Variants in GALNS observed in about 807,000 individuals in gnomAD.
GALNS encodes galactosamine (N-acetyl)-6-sulfatase.
GALNS carries 65 observed loss-of-function variants against 65.9 expected under a neutral mutation model. That is an observed-to-expected ratio of 0.99 (90% CI 0.81 to 1.21). The LOEUF is 1.21. Ranked by LOEUF, GALNS falls within the 50% of genes most tolerant of loss-of-function variation. GALNS has a pLI of 0.00. For synonymous variants in GALNS, 346 were observed against 288.9 expected (o/e 1.20, Z -2.00); for missense variants, 776 against 700.7 (o/e 1.11, Z -1.21).
rs530013092 is a variant in GALNS, at chr16:88,846,443, C to G, written c.121-3614G>C. On this transcript the variant is annotated intron_variant, in intron 1 of 13. Transcript: ENST00000268695. ...GGTCCCTTGCAGGTTTCCGAGGGAG[C>G]GAGGTCCTGCCCACACCTTGAGCTC... Among the ~76,000 whole-genome samples the G allele has an allele frequency of 2.0e-5, 3 of 149,570 alleles. No individual in the cohort carries two copies. The East Asian group carries it at 6.0e-4, about 30-fold the overall frequency.
intron 1 of GALNS, among the ~76,000 whole-genome samples, chr16:88,847,333 G>A (rs924540368): frequency 2.6e-5 from 4 of 152,062 alleles, no homozygotes; most frequent in Non-Finnish European, 2.9e-5. Context: ...ATCGCGCCAC[G>A]GCAGTCCAGC....
At chr16:88,835,628 A>G in intron 7 of GALNS, 97 bp downstream of exon 7, 1 of 1,575,634 alleles carries the variant, frequency 6.3e-7, no homozygotes. Flanking sequence ...CCTTTCCATA[A>G]TTGGCCTAAA....
At position 88,834,935 on chromosome 16, in the gene GALNS, G is replaced by A. The variant is rs919213135; in HGVS notation, c.898+278C>T. Among the ~76,000 whole-genome samples, 22 of 152,180 alleles carry A rather than the reference G, an allele frequency of 1.4e-4. 1 individual carries two copies. The highest frequency in any genetic ancestry group is 1.4e-3 in the Admixed American group (22 of 15,278). The stretch of plus-strand genomic sequence containing the variant: ...CGGCCTCCAAAGCCTCCGGCCTCCG[G>A]GGTCACCCTTCGGGAGGCGTCAGCC... On this transcript the variant is annotated intron_variant, in intron 8 of 13. Transcript: ENST00000268695.
In GALNS at chr16:88,843,207, C is replaced by T. The variant is rs896515977; in HGVS notation, c.121-378G>A. ...GCCTCTAAACACGTGCATCTATTTT[C>T]AACATAAATACACAGGCCCTCGTAT... On this transcript the variant is annotated intron_variant, in intron 1 of 13. Transcript: ENST00000268695. 7.5e-6 allele frequency: 10 copies of T among 1,327,024 alleles called. No individual in the cohort carries two copies. In the African/African-American group the frequency reaches 1.5e-4, roughly 20 times the overall value. 82.2% of individuals were successfully genotyped at this position (1,327,024 alleles called of 1,614,324 possible).
At chr16:88,846,601 G>C (rs1333890192) in intron 1 of GALNS, among the ~76,000 whole-genome samples, 1 of 143,464 alleles carries the variant, frequency 7.0e-6, no homozygotes, top group African/African-American at 2.6e-5. Context: ...ACCTTTGCCT[G>C]CACGATCTCG....
chr16:88,856,030 G>C (rs1054908616), intron 1 of GALNS: 6 of 618,150 alleles, frequency 9.7e-6, no homozygotes, highest in Non-Finnish European at 1.7e-5. Flanking sequence ...ACCCAGGTGT[G>C]TCTGGGGTCC....
chr16:88,853,624 T>C (rs1455966102), intron 1 of GALNS, among the ~76,000 whole-genome samples: 4 of 152,190 alleles, frequency 2.6e-5, no homozygotes, highest in Non-Finnish European at 5.9e-5. Flanking sequence ...AGGCAGGAGC[T>C]GTGTGTGGGC....
intron 1 of GALNS, among the ~76,000 whole-genome samples, chr16:88,849,977 G>T (rs1258035963): frequency 2.0e-5 from 3 of 152,224 alleles, no homozygotes; most frequent in African/African-American, 4.8e-5. Context: ...GCAGAAACCT[G>T]CAGTGCAGGC....
At chr16:88,848,283 T>C (rs1276864290) in intron 1 of GALNS, among the ~76,000 whole-genome samples, 4 of 152,028 alleles carry the variant, frequency 2.6e-5, no homozygotes, top group Non-Finnish European at 5.9e-5. Flanking sequence ...GAGAACACAC[T>C]AAAAATGACC....
intron 2 of GALNS, chr16:88,842,345 A>G (rs1967014783): frequency 9.8e-6 from 5 of 507,794 alleles, no homozygotes; most frequent in African/African-American, 1.9e-5. Context: ...TGTCTCCAGC[A>G]GGAGAGACTC....
At position 88,851,455 on chromosome 16, in the gene GALNS, G is replaced by A. The variant is rs114421953; in HGVS notation, c.120+5303C>T. On this transcript the variant is annotated intron_variant, in intron 1 of 13. Transcript: ENST00000268695. ...TCCCAGCGTGATTGACGCAGAAGAC[G>A]GCGATTTCTGCATTTCCAACTGAGG... Among the ~76,000 whole-genome samples, 995 of 152,262 alleles carry A rather than the reference G, an allele frequency of 6.5e-3. 12 individuals carry two copies. The highest frequency in any genetic ancestry group is 0.023 in the African/African-American group (963 of 41,544).
chr16:88,856,045 C>T (rs1369576939), intron 1 of GALNS: 7 of 639,112 alleles, frequency 1.1e-5, no homozygotes, highest in African/African-American at 9.0e-5. Flanking sequence ...GGGTCCTGCA[C>T]GGTGACCCAT....
intron 1 of GALNS, chr16:88,843,799 C>T (rs117284066): frequency 0.057 from 8,903 of 155,866 alleles, 359 homozygotes; most frequent in Middle Eastern, 0.12. Context: ...AGGAAACTCA[C>T]GCACGTACCG....
intron 3 of GALNS, 112 bp downstream of exon 3, chr16:88,841,785 G>A (rs1018726816): frequency 2.7e-5 from 25 of 932,082 alleles, no homozygotes; most frequent in African/African-American, 1.5e-4. Context: ...AGGCACCAGC[G>A]GTACCCCACC....
intron 12 of GALNS, among the ~76,000 whole-genome samples, chr16:88,819,325 G>A (rs759669922): frequency 2.0e-5 from 3 of 152,204 alleles, no homozygotes; most frequent in East Asian, 1.9e-4. Context: ...TGGTGCCCGC[G>A]GAGATGCCTG....
intron 1 of GALNS, chr16:88,855,380 A>G: frequency 1.4e-6 from 1 of 702,722 alleles, no homozygotes; most frequent in Non-Finnish European, 2.6e-6. Flanking sequence ...ACTGGCCCAG[A>G]GGAACTTCAA....
chr16:88,839,327 C>T (rs1480623598), intron 4 of GALNS, among the ~76,000 whole-genome samples: 2 of 152,214 alleles, frequency 1.3e-5, no homozygotes, highest in African/African-American at 2.4e-5. Context: ...AGGGGACACT[C>T]GTGCTTCCAC....
At chr16:88,845,973 G>GT (rs1967225509) in intron 1 of GALNS, among the ~76,000 whole-genome samples, 1 of 152,158 alleles carries the variant, frequency 6.6e-6, no homozygotes, top group Admixed American at 6.5e-5. Context: ...GGGCAACAGG[G>GT]TGAGACACTC....
intron 13 of GALNS, 34 bp downstream of exon 13, chr16:88,817,973 C>T: frequency 6.5e-7 from 1 of 1,529,714 alleles, no homozygotes; most frequent in Middle Eastern, 1.7e-4. Flanking sequence ...GCAGCCCCGG[C>T]AAAGAGACGG....
Sources: gnomAD v4.1 joint callset for allele counts (sites outside exome capture counted in the v4.1 genomes callset) on GRCh38, gnomAD v4.1.1 for gene constraint, MANE v1.5 for transcripts, NCBI Gene and HGNC (gene_info 2026-07-23, HGNC 2026-07-21) for gene names.